The following EBF1 variants were observed in gnomAD, a reference collection of about 807,000 sequenced individuals.
The protein encoded by EBF1 is transcription factor COE1.
EBF1 carries 10 observed loss-of-function variants against 68.4 expected under a neutral mutation model. That is an observed-to-expected ratio of 0.15 (90% confidence interval 0.09 to 0.25). EBF1 has a LOEUF of 0.25. EBF1 is among the 10% of genes least tolerant of loss of function. EBF1 has a pLI of 1.00. For missense variants in EBF1, 509 were observed against 794.4 expected (o/e 0.64, Z 4.32); for synonymous variants, 298 against 299.8 (o/e 0.99, Z 0.06).
At chr5:158,832,794 T>C (rs960120668) in intron 7 of EBF1, among the ~76,000 whole-genome samples, 2 of 152,186 alleles carry the variant, frequency 1.3e-5, no homozygotes, top group African/African-American at 4.8e-5. Flanking sequence ...CCAAAATTTC[T>C]AGAATTTACT....
intron 8 of EBF1, among the ~76,000 whole-genome samples, chr5:158,815,468 G>T (rs1000377433): frequency 6.6e-6 from 1 of 152,078 alleles, no homozygotes; most frequent in Non-Finnish European, 1.5e-5. Context: ...AAGTAAAATA[G>T]TTAGCATGGT....
intron 6 of EBF1, among the ~76,000 whole-genome samples, chr5:159,040,382 A>G (rs1770949666): frequency 6.6e-6 from 1 of 152,232 alleles, no homozygotes. Context: ...GCTATGATCC[A>G]GATTACAAGC....
intron 6 of EBF1, among the ~76,000 whole-genome samples, chr5:158,912,748 C>T (rs1806285099): frequency 6.6e-6 from 1 of 152,162 alleles, no homozygotes; most frequent in Non-Finnish European, 1.5e-5. Context: ...TCCACTATGC[C>T]TAATTCCACC....
intron 6 of EBF1, among the ~76,000 whole-genome samples, chr5:158,966,543 A>C (rs1178848706): frequency 6.6e-6 from 1 of 152,194 alleles, no homozygotes; most frequent in Non-Finnish European, 1.5e-5. Context: ...AATATCAATA[A>C]ACTGGAATTG....
intron 8 of EBF1, among the ~76,000 whole-genome samples, chr5:158,810,119 C>A (rs182693780): frequency 6.6e-6 from 1 of 152,260 alleles, no homozygotes; most frequent in Non-Finnish European, 1.5e-5. Flanking sequence ...TGGAAAAGCA[C>A]AGCTGGTTTG....
intron 10 of EBF1, among the ~76,000 whole-genome samples, chr5:158,770,874 A>C (rs1316314312): frequency 6.6e-6 from 1 of 152,158 alleles, no homozygotes; most frequent in African/African-American, 2.4e-5. Flanking sequence ...ACCAGGTTTG[A>C]AATAGTAAAC....
rs1035276475 is a variant in EBF1, at chr5:158,899,489, C to T, written c.555-59379G>A. Among the ~76,000 whole-genome samples, 9 of 152,222 alleles carry T rather than the reference C, an allele frequency of 5.9e-5. 1 individual carries two copies. Among genetic ancestry groups the T allele is most frequent in the East Asian group, 5.8e-4 (3 of 5,184 alleles). Reference sequence around the variant, plus strand: ...TTGATCATTTTCCTTTTATGAGTGCCGTGTGCACAGACTCTTGATTGTTTC... The same window carrying T: ...TTGATCATTTTCCTTTTATGAGTGCTGTGTGCACAGACTCTTGATTGTTTC... On this transcript the variant is annotated intron_variant, in intron 6 of 15. Transcript: ENST00000313708.
At chr5:158,795,670 T>C (rs972883505) in intron 9 of EBF1, among the ~76,000 whole-genome samples, 1 of 152,226 alleles carries the variant, frequency 6.6e-6, no homozygotes, top group African/African-American at 2.4e-5. Flanking sequence ...TGTTTTGTAA[T>C]CTTGAGCTGA....
At chr5:158,880,289 A>T (rs1378600793) in intron 6 of EBF1, among the ~76,000 whole-genome samples, 2 of 152,186 alleles carry the variant, frequency 1.3e-5, no homozygotes, top group African/African-American at 2.4e-5. Context: ...AGGGTTATAA[A>T]CTTGATAACC....
chr5:158,846,310 C>T (rs1009845287), intron 6 of EBF1, among the ~76,000 whole-genome samples: 7 of 152,174 alleles, frequency 4.6e-5, no homozygotes, highest in African/African-American at 1.7e-4. Context: ...AAAGTTGTTT[C>T]CATAGACGGC....
intron 6 of EBF1, among the ~76,000 whole-genome samples, chr5:159,050,185 C>A (rs1466014282): frequency 6.9e-6 from 1 of 144,002 alleles, no homozygotes; most frequent in Admixed American, 6.8e-5. Flanking sequence ...TCTCTCTTCT[C>A]TCTTTTCTCT....
intron 6 of EBF1, among the ~76,000 whole-genome samples, chr5:159,029,413 C>A (rs1171213121): frequency 6.6e-6 from 1 of 152,056 alleles, no homozygotes; most frequent in Non-Finnish European, 1.5e-5. Context: ...AGATTTATCC[C>A]AAGGCTTTCA....
chr5:158,927,776 A>G (rs1194252144), intron 6 of EBF1, among the ~76,000 whole-genome samples: 4 of 152,214 alleles, frequency 2.6e-5, no homozygotes, highest in East Asian at 1.9e-4. Flanking sequence ...ATCACTTACT[A>G]TGTTCCAGGC....
chr5:158,957,975 T>G lies in EBF1; in HGVS notation c.554+115421A>C, dbSNP rs576351392. 2.0e-3 allele frequency among the ~76,000 whole-genome samples: 305 copies of G among 152,060 alleles called. 1 individual carries two copies. Among genetic ancestry groups the G allele is most frequent in the African/African-American group, 6.9e-3 (287 of 41,470 alleles). On this transcript the variant is annotated intron_variant, in intron 6 of 15. Coordinates refer to ENST00000313708, the MANE Select transcript of EBF1 (RefSeq NM_024007.5). The stretch of plus-strand genomic sequence containing the variant: ...AGAGGGAAAAAGGAAAAAATAATAA[T>G]AAGAAAACGTAAAGAAAAAGAAAAC...
At chr5:158,744,069 G>A (rs920881115) in intron 10 of EBF1, among the ~76,000 whole-genome samples, 1 of 152,032 alleles carries the variant, frequency 6.6e-6, no homozygotes, top group Non-Finnish European at 1.5e-5. Flanking sequence ...TACTTGGGAG[G>A]CTGAGGCAGG....
At chr5:159,040,966 C>A (rs1771085799) in intron 6 of EBF1, among the ~76,000 whole-genome samples, 1 of 150,820 alleles carries the variant, frequency 6.6e-6, no homozygotes. Flanking sequence ...ACAAGAGACA[C>A]CAATAAACAG....
chr5:159,011,356 C>T (rs571896649), intron 6 of EBF1, among the ~76,000 whole-genome samples: 8 of 152,308 alleles, frequency 5.3e-5, no homozygotes, highest in South Asian at 2.1e-4. Flanking sequence ...GGTCCCACGC[C>T]TCCCTGAGCT....
At chr5:158,808,544 C>A (rs1160953530) in intron 8 of EBF1, among the ~76,000 whole-genome samples, 2 of 152,128 alleles carry the variant, frequency 1.3e-5, no homozygotes. Flanking sequence ...TTCAGCTTCA[C>A]CATTTACCAG....
chr5:158,906,867 C>T (rs1804763252), intron 6 of EBF1, among the ~76,000 whole-genome samples: 1 of 152,292 alleles, frequency 6.6e-6, no homozygotes, highest in South Asian at 2.1e-4. Context: ...GCTCTCACAT[C>T]CTTTATTGTT....
Sources: allele counts gnomAD v4.1 joint callset (sites outside exome capture counted in the v4.1 genomes callset), GRCh38; gene constraint gnomAD v4.1.1; transcripts MANE v1.5; gene names NCBI Gene and HGNC (gene_info 2026-07-23, HGNC 2026-07-21).